Variants in ITGB3 observed in about 807,000 individuals in gnomAD.
ITGB3 encodes integrin beta-3.
In ITGB3, 48 loss-of-function variants were observed where a neutral mutation model predicts 85.8. That is an observed-to-expected ratio of 0.56 (90% confidence interval 0.44 to 0.71). ITGB3 has a LOEUF of 0.71. Ranked by LOEUF, ITGB3 falls within the 30% of genes least tolerant of loss-of-function variation. The pLI is 0.00. For synonymous variants in ITGB3, 363 were observed against 395.6 expected (o/e 0.92, Z 0.98); for missense variants, 861 against 1,019.1 (o/e 0.84, Z 2.11).
At chr17:47,262,596 G>T (rs1234454410) in intron 1 of ITGB3, among the ~76,000 whole-genome samples, 2 of 152,282 alleles carry the variant, frequency 1.3e-5, no homozygotes, top group Admixed American at 6.5e-5. Flanking sequence ...TTTGACACCT[G>T]TTTGTTTTAC....
intron 1 of ITGB3, among the ~76,000 whole-genome samples, chr17:47,256,483 C>G (rs898391993): frequency 2.0e-4 from 30 of 151,790 alleles, no homozygotes; most frequent in East Asian, 7.7e-4. Context: ...ACCCCCCCCC[C>G]CAACCTCACA....
At chr17:47,305,262 C>A (rs1255850864) in intron 13 of ITGB3, among the ~76,000 whole-genome samples, 1 of 152,184 alleles carries the variant, frequency 6.6e-6, no homozygotes, top group Non-Finnish European at 1.5e-5. Context: ...AACACTGGAA[C>A]CTCACAGCCT....
Position 47,299,573 on chromosome 17 carries a change from G to A in ITGB3, c.1913+43G>A, listed in dbSNP as rs111993662. ...AGAGAGCCGGGAGGCTGGGAGGTAG[G>A]AGAGGATCCCCTGACTAGAATCCCC... On this transcript the variant is annotated intron_variant, in intron 11 of 14. Transcript: ENST00000559488. The surrounding 1 kb of genome is among the most constrained non-coding windows in gnomAD (Gnocchi z 5.1). 1.4e-4 allele frequency: 218 copies of A among 1,566,852 alleles called. 5 individuals are homozygous for A. In the African/African-American group the frequency reaches 1.9e-3, roughly 13 times the overall value.
chr17:47,278,602 C>G (rs1274638017), intron 2 of ITGB3, among the ~76,000 whole-genome samples: 2 of 151,848 alleles, frequency 1.3e-5, no homozygotes, highest in Non-Finnish European at 2.9e-5. Context: ...AAAAGAGTCA[C>G]TTATATTTGC....
intron 13 of ITGB3, among the ~76,000 whole-genome samples, chr17:47,307,229 C>T (rs2065192003): frequency 6.6e-6 from 1 of 152,102 alleles, no homozygotes; most frequent in Non-Finnish European, 1.5e-5. Flanking sequence ...TTGGGTGAAC[C>T]CCCACACAAA....
chr17:47,272,728 G>A (rs61696786), intron 1 of ITGB3, among the ~76,000 whole-genome samples: 4 of 51,330 alleles, frequency 7.8e-5, no homozygotes, highest in East Asian at 3.9e-4. Context: ...TCTTTCTTTC[G>A]TTCTTTCTTT....
At chr17:47,258,609 C>T (rs8073179) in intron 1 of ITGB3, among the ~76,000 whole-genome samples, 27,183 of 151,674 alleles carry the variant, frequency 0.18, 2,526 homozygotes, top group East Asian at 0.25. Flanking sequence ...CTCTTTTTTT[C>T]CCTTCTTTTT....
chr17:47,283,721 G>C (rs1198465682), intron 3 of ITGB3, among the ~76,000 whole-genome samples, 172 bp downstream of exon 3: 1 of 152,186 alleles, frequency 6.6e-6, no homozygotes, highest in Admixed American at 6.5e-5. Context: ...AGAGACGTTA[G>C]GACTTGAGTC....
rs777913442 is a variant in ITGB3, at chr17:47,300,544, C to T, written c.1980C>T (p.Tyr660=). Residue 660 remains tyrosine (Y), a synonymous_variant, in exon 12 of 15, where the codon TAC becomes TAT. Coordinates refer to ENST00000559488, the MANE Select transcript of ITGB3 (RefSeq NM_000212.3). The part of the protein sequence containing the change: ...ALHDENTCNR[Y]CRDEIESVKE... ...ATGACGAAAATACCTGCAACCGTTA[C>T]TGCCGTGACGAGATTGAGTCAGTGA... 4 of 1,614,144 alleles carry T rather than the reference C, an allele frequency of 2.5e-6. No individual in the cohort carries two copies. In the South Asian group the frequency reaches 4.4e-5, roughly 18 times the overall value.
At chr17:47,281,401 T>G (rs1736197720) in intron 2 of ITGB3, among the ~76,000 whole-genome samples, 1 of 152,168 alleles carries the variant, frequency 6.6e-6, no homozygotes, top group African/African-American at 2.4e-5. Context: ...CTAAATTGGC[T>G]GAATGTCAGA....
At chr17:47,269,167 A>ATT (rs1163714926) in intron 1 of ITGB3, among the ~76,000 whole-genome samples, 1 of 152,020 alleles carries the variant, frequency 6.6e-6, no homozygotes, top group African/African-American at 2.4e-5. Context: ...CCAGGAAACC[A>ATT]TTTTTTCCTC....
chr17:47,254,030 G>T, intron 1 of ITGB3, 90 bp downstream of exon 1: 1 of 855,076 alleles, frequency 1.2e-6, no homozygotes, highest in South Asian at 2.4e-5. Flanking sequence ...AAACGCGGAG[G>T]GCTGGTCCCG....
intron 12 of ITGB3, among the ~76,000 whole-genome samples, chr17:47,301,966 C>T (rs1377366471): frequency 1.3e-5 from 2 of 152,138 alleles, no homozygotes; most frequent in Non-Finnish European, 2.9e-5. Context: ...TTTGAGACTC[C>T]TGTTCTTGTT....
At position 47,292,278 on chromosome 17, in the gene ITGB3, C is replaced by A. The variant is rs1353359754; in HGVS notation, c.1400C>A (p.Ala467Asp). 6.2e-7 allele frequency: 1 copy of A among 1,614,258 alleles called. No individual in the cohort carries two copies. The highest frequency in any genetic ancestry group is 1.1e-5 in the South Asian group (1 of 91,088). The change falls in exon 10 of 15, where the codon GCT becomes GAT. Residue 467 changes from alanine (A) to aspartate (D), a missense_variant. By Grantham distance (126) the Ala-to-Asp change is moderately radical. Transcript: ENST00000559488. ...TGTGACTGTGCCTGCCAGGCCCAAG[C>A]TGAACCTAATAGCCATCGCTGCAAC... ...FDCDCACQAQAEPNSHRCNNG... is the reference protein window; with the variant it reads ...FDCDCACQAQDEPNSHRCNNG...
intron 4 of ITGB3, among the ~76,000 whole-genome samples, chr17:47,285,692 AG>A (rs2065100029): frequency 6.6e-6 from 1 of 152,196 alleles, no homozygotes; most frequent in Admixed American, 6.5e-5. Flanking sequence ...TTCCCAGGCA[AG>A]ACATCAGCTA....
chr17:47,275,893 A>G (rs187146605), intron 2 of ITGB3, among the ~76,000 whole-genome samples: 91 of 152,276 alleles, frequency 6.0e-4, no homozygotes, highest in African/African-American at 2.1e-3. Context: ...CCACCCCCGC[A>G]GGTTCTCCTC....
intron 2 of ITGB3, among the ~76,000 whole-genome samples, chr17:47,275,505 C>T (rs563153437): frequency 6.9e-4 from 105 of 152,318 alleles, no homozygotes; most frequent in African/African-American, 2.5e-3. Flanking sequence ...GGCCTGGCTG[C>T]GGCTCAGCTA....
chr17:47,255,092 G>A (rs1384663103), intron 1 of ITGB3, among the ~76,000 whole-genome samples: 1 of 151,482 alleles, frequency 6.6e-6, no homozygotes, highest in Non-Finnish European at 1.5e-5. Context: ...GATTCTTCTG[G>A]CTCAGCCTCC....
intron 12 of ITGB3, 146 bp downstream of exon 12, chr17:47,300,724 A>T (rs1237507623): frequency 1.4e-6 from 1 of 703,160 alleles, no homozygotes; most frequent in Non-Finnish European, 2.6e-6. Flanking sequence ...AACAATGGAC[A>T]CTTGATGTGA....
Sources: allele counts gnomAD v4.1 joint callset (sites outside exome capture counted in the v4.1 genomes callset), GRCh38; gene constraint gnomAD v4.1.1; non-coding constraint Gnocchi (gnomAD v3.1); transcripts MANE v1.5; gene names NCBI Gene and HGNC (gene_info 2026-07-23, HGNC 2026-07-21).